ZNF708: variants seen among roughly 807,000 people sequenced by gnomAD.
ZNF708 encodes the protein ZNF15, ZNF15L1.
A neutral mutation model predicts 47.0 loss-of-function variants in ZNF708; 44 were observed. That is an observed-to-expected ratio of 0.94 (90% CI 0.74 to 1.20). ZNF708 has a LOEUF of 1.20. Among genes scored for constraint, ZNF708 ranks in the 50% most tolerant of loss-of-function variants. The pLI, the probability that ZNF708 is intolerant of heterozygous loss-of-function variation, is 0.00. For missense variants in ZNF708, 557 were observed against 656.0 expected (o/e 0.85, Z 1.65); for synonymous variants, 184 against 218.5 (o/e 0.84, Z 1.39).
chr19:21,312,348 A>G (rs1972916664), intron 1 of ZNF708, among the ~76,000 whole-genome samples: 1 of 151,940 alleles, frequency 6.6e-6, no homozygotes, highest in Non-Finnish European at 1.5e-5. Context: ...GTGTAATCCC[A>G]GCTACTTGGG....
chr19:21,309,445 T>A lies in ZNF708; in HGVS notation c.131-104A>T. On this transcript the variant is annotated intron_variant, in intron 2 of 3. Transcript: ENST00000356929. ...AATGTAGGCCAGGCACAGTGGCTCA[T>A]CCTGGTAATCCCAGCACTCTGAGAG... 3 of 1,112,602 alleles carry A rather than the reference T, an allele frequency of 2.7e-6. No individual in the cohort carries two copies. The South Asian group carries it at 4.7e-5, about 17-fold the overall frequency. The allele number at this position is 1,112,602 out of a possible 1,614,324, so 68.9% of individuals were successfully genotyped here. A position where few individuals can be genotyped will look rare whatever the true frequency, so the allele number is the denominator to read the frequency against.
intron 1 of ZNF708, 68 bp from the exon 2 acceptor site, chr19:21,310,695 G>C (rs1182471130): frequency 1.5e-6 from 2 of 1,300,016 alleles, no homozygotes; most frequent in Non-Finnish European, 2.0e-6. Flanking sequence ...TTTGACTCAA[G>C]GTGAAATGAG....
intron 1 of ZNF708, 108 bp downstream of exon 1, chr19:21,329,102 C>T: frequency 2.0e-6 from 3 of 1,508,750 alleles, no homozygotes; most frequent in Non-Finnish European, 2.8e-6. Context: ...GAACTCGGAG[C>T]GCAGATTGTG....
chr19:21,299,056 T>C (rs1972601244), intron 3 of ZNF708, among the ~76,000 whole-genome samples: 1 of 152,204 alleles, frequency 6.6e-6, no homozygotes, highest in African/African-American at 2.4e-5. Context: ...TTGGTAGTTG[T>C]TTAATGTATA....
chr19:21,312,900 A>C (rs1184822611), intron 1 of ZNF708, among the ~76,000 whole-genome samples: 1 of 152,250 alleles, frequency 6.6e-6, no homozygotes, highest in East Asian at 1.9e-4. Context: ...CAAAGTTTAC[A>C]AAGGAAACAG....
intron 3 of ZNF708, among the ~76,000 whole-genome samples, chr19:21,299,740 T>A (rs1010298826): frequency 6.8e-6 from 1 of 146,008 alleles, no homozygotes; most frequent in African/African-American, 2.6e-5. Flanking sequence ...ACCACTGCAC[T>A]CCAGCACAGG....
intron 1 of ZNF708, 41 bp downstream of exon 1, chr19:21,329,169 C>CG (rs1568357740): frequency 1.2e-6 from 2 of 1,611,000 alleles, no homozygotes; most frequent in East Asian, 4.5e-5. Flanking sequence ...AGGTTTCAAC[C>CG]AGCCCTTCCC....
intron 1 of ZNF708, among the ~76,000 whole-genome samples, chr19:21,311,300 T>C (rs1190456246): frequency 1.3e-5 from 2 of 152,080 alleles, no homozygotes; most frequent in Non-Finnish European, 2.9e-5. Context: ...TGCATAAAGA[T>C]ACTTAATAAT....
chr19:21,310,751 TC>T, intron 1 of ZNF708, 124 bp from the exon 2 acceptor site: 2 of 701,310 alleles, frequency 2.9e-6, no homozygotes, highest in Non-Finnish European at 4.1e-6. Context: ...ACTGAAATTA[TC>T]CAATAAAATA....
chr19:21,314,901 G>A (rs1411519573), intron 1 of ZNF708, among the ~76,000 whole-genome samples: 1 of 152,186 alleles, frequency 6.6e-6, no homozygotes, highest in Non-Finnish European at 1.5e-5. Flanking sequence ...TTGTGAGAGG[G>A]TTCCCAGTGA....
In ZNF708 at chr19:21,329,199, G is replaced by C. The variant is rs770777487; in HGVS notation, c.3+11C>G. 5.6e-6 allele frequency: 9 copies of C among 1,612,200 alleles called. No individual in the cohort carries two copies. Among genetic ancestry groups the C allele is most frequent in the Non-Finnish European group, 7.6e-6 (9 of 1,178,638 alleles). On this transcript the variant is annotated intron_variant, in intron 1 of 3. Transcript: ENST00000356929. ...CTTCCCCTCTCTCGGGATGTCGGAC[G>C]GCACTCTCACCATTTCTAGGCTTCC...
chr19:21,309,099 AGACGCCCCTATATTAAAG>A (rs1972845058), intron 3 of ZNF708, 129 bp downstream of exon 3: 1 of 642,312 alleles, frequency 1.6e-6, no homozygotes, highest in Admixed American at 3.3e-5. Flanking sequence ...ATAAGACAGA[AGACGCCCCTATATTAAAG>A]TTAAAAAAAC....
Position 21,293,732 on chromosome 19 carries a change from C to G in ZNF708, c.1234G>C (p.Val412Leu), listed in dbSNP as rs1972451739. The change falls in exon 4 of 4, where the codon GTA (valine) becomes CTA (leucine). Residue 412 changes from valine (V) to leucine (L), a missense_variant. Val to Leu is a conservative substitution (Grantham distance 32). Coordinates refer to ENST00000356929, the MANE Select transcript of ZNF708 (RefSeq NM_021269.3). The part of the protein sequence containing the change: ...TKSSTLTYHK[V>L]IHTGKKPYKC... ...TAGGGTTTCTTTCCAGTATGAATTA[C>G]CTTATGATAAGTAAGAGTTGAGGAC... 1 of 1,602,554 alleles carries G rather than the reference C, an allele frequency of 6.2e-7. No individual in the cohort carries two copies. Among genetic ancestry groups the G allele is most frequent in the Non-Finnish European group, 8.5e-7 (1 of 1,174,908 alleles).
intron 3 of ZNF708, among the ~76,000 whole-genome samples, chr19:21,303,592 A>C (rs1972700810): frequency 6.6e-6 from 1 of 151,906 alleles, no homozygotes; most frequent in African/African-American, 2.4e-5. Context: ...TAAATAAATA[A>C]AATTATAAAA....
At chr19:21,326,101 C>G (rs1281452628) in intron 1 of ZNF708, among the ~76,000 whole-genome samples, 1 of 152,164 alleles carries the variant, frequency 6.6e-6, no homozygotes, top group Admixed American at 6.5e-5. Flanking sequence ...GGGAACACTT[C>G]TACATTGCTG....
intron 3 of ZNF708, among the ~76,000 whole-genome samples, chr19:21,301,896 A>G (rs978267698): frequency 6.6e-6 from 1 of 152,206 alleles, no homozygotes; most frequent in African/African-American, 2.4e-5. Context: ...TACTTTAAAA[A>G]CAAGATAAAA....
chr19:21,293,270 C>T lies in ZNF708; in HGVS notation c.*4G>A. On this transcript the variant is annotated 3_prime_UTR_variant, in exon 4 of 4. Coordinates refer to ENST00000356929, the MANE Select transcript of ZNF708 (RefSeq NM_021269.3). ...GTTGAAAATACACTAAAGGATTTGA[C>T]ACATTATTTACATTTGTAGGGTTTC... 1 of 1,597,196 alleles carries T rather than the reference C, an allele frequency of 6.3e-7. No individual in the cohort carries two copies.
intron 3 of ZNF708, among the ~76,000 whole-genome samples, chr19:21,302,389 G>A (rs376235880): frequency 6.6e-6 from 1 of 152,038 alleles, no homozygotes; most frequent in South Asian, 2.1e-4. Flanking sequence ...AAGTTGTTAC[G>A]AGATTAAAAT....
chr19:21,304,364 C>T (rs1972719353), intron 3 of ZNF708, among the ~76,000 whole-genome samples: 1 of 151,890 alleles, frequency 6.6e-6, no homozygotes. Flanking sequence ...AATTTGCTCC[C>T]CCATGACCCA....
Sources: gnomAD v4.1 joint callset for allele counts (sites outside exome capture counted in the v4.1 genomes callset) on GRCh38, gnomAD v4.1.1 for gene constraint, MANE v1.5 for transcripts, NCBI Gene and HGNC (gene_info 2026-07-23, HGNC 2026-07-21) for gene names.